SEMA5A: variants seen among roughly 807,000 people sequenced by gnomAD.
SEMA5A encodes the protein semaphorin 5A.
A neutral mutation model predicts 135.5 loss-of-function variants in SEMA5A; 55 were observed. The observed-to-expected ratio is 0.41, with a 90% confidence interval of 0.33 to 0.51. SEMA5A has a LOEUF of 0.51. Among genes scored for constraint, SEMA5A ranks in the 20% least tolerant of loss-of-function variants. The probability of loss-of-function intolerance (pLI) is 0.37; values close to 1 mark genes in which losing one functional copy is unlikely to be tolerated. For synonymous variants in SEMA5A, 580 were observed against 546.5 expected (o/e 1.06, Z -0.85); for missense variants, 1,290 against 1,419.9 (o/e 0.91, Z 1.47).
chr5:9,390,335 G>C (rs1459984281), intron 2 of SEMA5A, among the ~76,000 whole-genome samples: 3 of 152,124 alleles, frequency 2.0e-5, no homozygotes, highest in African/African-American at 4.8e-5. Context: ...AACCCTGAGG[G>C]GGTCAGATAA....
intron 11 of SEMA5A, among the ~76,000 whole-genome samples, chr5:9,175,560 A>C (rs1376900015): frequency 6.6e-6 from 1 of 152,168 alleles, no homozygotes; most frequent in Non-Finnish European, 1.5e-5. Context: ...GCCATACAAC[A>C]TATGGCATCT....
chr5:9,307,871 T>C (rs1751944705), intron 5 of SEMA5A, among the ~76,000 whole-genome samples: 1 of 152,042 alleles, frequency 6.6e-6, no homozygotes, highest in Non-Finnish European at 1.5e-5. Context: ...CCTGACTTCG[T>C]TTCATGAAAC....
intron 1 of SEMA5A, among the ~76,000 whole-genome samples, chr5:9,509,661 C>T (rs1431437918): frequency 6.6e-6 from 1 of 152,136 alleles, no homozygotes; most frequent in African/African-American, 2.4e-5. Context: ...TCCATATGTA[C>T]CCAAAGTTTA....
At chr5:9,201,266 G>A (rs1244532931) in intron 9 of SEMA5A, among the ~76,000 whole-genome samples, 2 of 152,194 alleles carry the variant, frequency 1.3e-5, no homozygotes, top group East Asian at 1.9e-4. Flanking sequence ...AATAACTCTG[G>A]AGACATGTGA....
At chr5:9,213,861 G>A (rs1031167378) in intron 8 of SEMA5A, among the ~76,000 whole-genome samples, 1 of 152,168 alleles carries the variant, frequency 6.6e-6, no homozygotes, top group African/African-American at 2.4e-5. Context: ...GGAGCACATA[G>A]ATGAGGACAG....
chr5:9,234,816 T>C (rs1180527730), intron 6 of SEMA5A, among the ~76,000 whole-genome samples: 3 of 152,152 alleles, frequency 2.0e-5, no homozygotes, highest in South Asian at 2.1e-4. Context: ...TACTTGAAAA[T>C]ATTTGTTTCC....
chr5:9,080,734 G>A (rs189092781), intron 16 of SEMA5A, among the ~76,000 whole-genome samples: 21 of 152,226 alleles, frequency 1.4e-4, no homozygotes, highest in Non-Finnish European at 2.2e-4. Flanking sequence ...GAACAGTCCT[G>A]CTTAGAGCCT....
At chr5:9,441,013 G>A (rs1302227436) in intron 1 of SEMA5A, among the ~76,000 whole-genome samples, 1 of 152,214 alleles carries the variant, frequency 6.6e-6, no homozygotes, top group African/African-American at 2.4e-5. Context: ...AAGAACTGCT[G>A]GGCCAGCATT....
At chr5:9,543,598 G>A (rs1257279487) in intron 1 of SEMA5A, among the ~76,000 whole-genome samples, 3 of 152,158 alleles carry the variant, frequency 2.0e-5, no homozygotes, top group African/African-American at 7.2e-5. Context: ...AAAATGATTA[G>A]CATCATCTGT....
At chr5:9,233,130 A>T (rs114242507) in intron 6 of SEMA5A, among the ~76,000 whole-genome samples, 45 of 152,372 alleles carry the variant, frequency 3.0e-4, no homozygotes, top group Non-Finnish European at 5.6e-4. Context: ...AAAAATCCTG[A>T]AATGAGATCA....
At chr5:9,086,232 A>G (rs796545645) in intron 16 of SEMA5A, among the ~76,000 whole-genome samples, 13 of 152,134 alleles carry the variant, frequency 8.5e-5, no homozygotes, top group African/African-American at 3.1e-4. Flanking sequence ...GGAAGGTATG[A>G]TTGGTTTTGA....
chr5:9,133,473 T>C (rs1741551961), intron 13 of SEMA5A, among the ~76,000 whole-genome samples: 1 of 152,178 alleles, frequency 6.6e-6, no homozygotes, highest in Non-Finnish European at 1.5e-5. Context: ...ATAAAATACA[T>C]TGGGTGGGAT....
chr5:9,110,265 G>C (rs1201094487), intron 15 of SEMA5A, among the ~76,000 whole-genome samples: 2 of 152,202 alleles, frequency 1.3e-5, no homozygotes, highest in African/African-American at 4.8e-5. Flanking sequence ...ATGAGAGTTA[G>C]ATGGCAGACT....
chr5:9,509,427 A>C (rs1736085710), intron 1 of SEMA5A, among the ~76,000 whole-genome samples: 1 of 151,964 alleles, frequency 6.6e-6, no homozygotes, highest in South Asian at 2.1e-4. Context: ...GGCGCACACC[A>C]CCACGCCCGG....
chr5:9,270,140 C>T (rs772340539), intron 5 of SEMA5A, among the ~76,000 whole-genome samples: 2 of 152,034 alleles, frequency 1.3e-5, no homozygotes, highest in African/African-American at 2.4e-5. Context: ...GTGATCTGCC[C>T]GCAGGAGAAA....
chr5:9,352,516 C>T (rs1754174075), intron 3 of SEMA5A, among the ~76,000 whole-genome samples: 1 of 152,198 alleles, frequency 6.6e-6, no homozygotes, highest in South Asian at 2.1e-4. Flanking sequence ...TCCCAAAGTG[C>T]TGGAATTACA....
intron 1 of SEMA5A, among the ~76,000 whole-genome samples, chr5:9,516,247 C>T (rs924098797): frequency 2.6e-5 from 4 of 151,988 alleles, no homozygotes; most frequent in Non-Finnish European, 4.4e-5. Context: ...GACACAGATA[C>T]GCAAACACCA....
Position 9,353,317 on chromosome 5 carries a change from A to AT in SEMA5A, c.125-15506_125-15505insA, listed in dbSNP as rs1261140956. 9.5e-3 allele frequency among the ~76,000 whole-genome samples: 505 copies of AT among 53,248 alleles called. 1 individual carries two copies. The highest frequency in any genetic ancestry group is 0.024 in the African/African-American group (380 of 15,758). 34.9% of individuals were successfully genotyped at this position (53,248 alleles called of 152,430 possible). On this transcript the variant is annotated intron_variant, in intron 3 of 22. Transcript: ENST00000382496. Reference sequence around the variant, plus strand: ...AGGAAGGGAAGGGAAGGGAAGGGAAAGGAAGGAAAGGAAAGGAAATGAAAG... The same window carrying AT: ...AGGAAGGGAAGGGAAGGGAAGGGAAATGGAAGGAAAGGAAAGGAAATGAAAG...
At chr5:9,139,478 C>T (rs115154253) in intron 12 of SEMA5A, among the ~76,000 whole-genome samples, 427 of 152,234 alleles carry the variant, frequency 2.8e-3, no homozygotes, top group Non-Finnish European at 4.5e-3. Flanking sequence ...TCCCAATTGT[C>T]TGTTTTCATT....
Sources: allele counts gnomAD v4.1 joint callset (sites outside exome capture counted in the v4.1 genomes callset), GRCh38; gene constraint gnomAD v4.1.1; transcripts MANE v1.5; gene names NCBI Gene and HGNC (gene_info 2026-07-23, HGNC 2026-07-21).